Variants in TRIM67 observed in about 807,000 individuals in gnomAD.
The protein encoded by TRIM67 is tripartite motif-containing protein 67.
A neutral mutation model predicts 71.0 loss-of-function variants in TRIM67; 39 were observed. The ratio of observed to expected loss-of-function variants is 0.55; its 90% CI spans 0.43 to 0.72. The LOEUF (loss-of-function observed/expected upper bound fraction) is 0.72, where lower values mean the gene tolerates loss of function less well. Ranked by LOEUF, TRIM67 falls within the 30% of genes least tolerant of loss-of-function variation. TRIM67 has a pLI of 0.00. For missense variants in TRIM67, 973 were observed against 1,079.2 expected (o/e 0.90, Z 1.38); for synonymous variants, 481 against 473.9 (o/e 1.01, Z -0.19).
At chr1:231,187,726 G>A (rs1263645886) in intron 1 of TRIM67, 5 of 653,242 alleles carry the variant, frequency 7.7e-6, no homozygotes, top group South Asian at 4.1e-5. Context: ...GCAGAAGGAA[G>A]CCACGTGGCT....
Position 231,208,998 on chromosome 1 carries a change from C to A in TRIM67, c.1871C>A (p.Ser624Tyr). ...TCTGGGCATCGGGACATCATTTTATCCAATGACAACCAGACAGCCACCTGC... is the reference window on the plus strand; with the variant it reads ...TCTGGGCATCGGGACATCATTTTATACAATGACAACCAGACAGCCACCTGC... ...PNSGHRDIIL[S>Y]NDNQTATCSS... Residue 624 changes from serine to tyrosine, a missense_variant, in exon 8 of 10, where the codon TCC becomes TAC. This residue lies in a region of TRIM67 where 178 missense variants were observed against 247.9 expected (regional missense o/e 0.72). Coordinates refer to ENST00000366653, the MANE Select transcript of TRIM67 (RefSeq NM_001004342.5). 6.2e-7 allele frequency: 1 copy of A among 1,610,416 alleles called. No individual in the cohort carries two copies. The highest frequency in any genetic ancestry group is 1.1e-5 in the South Asian group (1 of 90,804).
chr1:231,172,576 G>A (rs1406064457), intron 1 of TRIM67, among the ~76,000 whole-genome samples: 1 of 152,142 alleles, frequency 6.6e-6, no homozygotes, highest in African/African-American at 2.4e-5. Flanking sequence ...TGTGGATGAG[G>A]CCTCAGTGAC....
intron 1 of TRIM67, among the ~76,000 whole-genome samples, chr1:231,191,196 T>G (rs906440334): frequency 6.6e-6 from 1 of 152,230 alleles, no homozygotes; most frequent in Non-Finnish European, 1.5e-5. Context: ...CCTGAGTAGC[T>G]GGGACTACAG....
intron 1 of TRIM67, among the ~76,000 whole-genome samples, chr1:231,190,245 C>T (rs904230367): frequency 1.3e-5 from 2 of 152,112 alleles, no homozygotes; most frequent in African/African-American, 4.8e-5. Flanking sequence ...TTGACAGAGT[C>T]GTGGCAGCAG....
Position 231,217,414 on chromosome 1 carries a change from G to GC in TRIM67, c.*1977dup. 7.1e-6 allele frequency: 7 copies of GC among 988,120 alleles called. No individual in the cohort carries two copies. The highest frequency in any genetic ancestry group is 8.4e-6 in the Non-Finnish European group (7 of 831,828). 61.2% of individuals were successfully genotyped at this position (988,120 alleles called of 1,614,324 possible). On this transcript the variant is annotated 3_prime_UTR_variant, in exon 10 of 10. Coordinates refer to ENST00000366653, the MANE Select transcript of TRIM67 (RefSeq NM_001004342.5). The stretch of plus-strand genomic sequence containing the variant: ...ACAAGACCTGGGACCCTGTGTCCTT[G>GC]CCCGCACCTCTGCCTCTGTCTCCCA...
At chr1:231,188,514 G>A (rs1304991133) in intron 1 of TRIM67, among the ~76,000 whole-genome samples, 4 of 152,148 alleles carry the variant, frequency 2.6e-5, no homozygotes, top group African/African-American at 4.8e-5. Context: ...TGCCTCCGAG[G>A]GATTTTAATG....
intron 1 of TRIM67, among the ~76,000 whole-genome samples, chr1:231,177,943 T>C (rs565095162): frequency 6.6e-6 from 1 of 152,340 alleles, no homozygotes; most frequent in South Asian, 2.1e-4. Context: ...TGCCATAAAG[T>C]ATGATTTCAG....
At chr1:231,179,520 AGTGGTC>A (rs917305163) in intron 1 of TRIM67, among the ~76,000 whole-genome samples, 15 of 152,216 alleles carry the variant, frequency 9.9e-5, no homozygotes, top group African/African-American at 2.4e-4. Flanking sequence ...TTAATGTCAC[AGTGGTC>A]GTTAACCCAT....
At chr1:231,210,428 G>C (rs1683835123) in intron 8 of TRIM67, among the ~76,000 whole-genome samples, 1 of 151,676 alleles carries the variant, frequency 6.6e-6, no homozygotes, top group Non-Finnish European at 1.5e-5. Flanking sequence ...CCATCTGCTT[G>C]CCTCTTTGCT....
intron 3 of TRIM67, among the ~76,000 whole-genome samples, 195 bp downstream of exon 3, chr1:231,199,364 A>G (rs775146002): frequency 7.9e-5 from 12 of 152,140 alleles, no homozygotes; most frequent in Non-Finnish European, 1.8e-4. Flanking sequence ...ACCAATCAAT[A>G]TGCCCTGTGT....
rs1277116806 is a variant in TRIM67 at position 231,218,195 on chromosome 1, G to T, written c.*2755G>T. 10 of 1,020,542 alleles carry T rather than the reference G, an allele frequency of 9.8e-6. No individual in the cohort carries two copies. The highest frequency in any genetic ancestry group is 1.2e-5 in the Non-Finnish European group (10 of 850,440). The allele number at this position is 1,020,542 out of a possible 1,614,324, so 63.2% of individuals were successfully genotyped here. A position where few individuals can be genotyped will look rare whatever the true frequency, so the allele number is the denominator to read the frequency against. On this transcript the variant is annotated 3_prime_UTR_variant, in exon 10 of 10. Transcript: ENST00000366653. ...CAGGAAGGTCCCGGGTTTCAGAGTA[G>T]AAATGACAGACAGGTCATGGAATTC...
intron 1 of TRIM67, among the ~76,000 whole-genome samples, chr1:231,182,529 G>C (rs1413171914): frequency 1.3e-5 from 2 of 152,198 alleles, no homozygotes; most frequent in Non-Finnish European, 2.9e-5. Context: ...GCACAATCCA[G>C]CATAAGGAAG....
chr1:231,216,104 T>C lies in TRIM67; in HGVS notation c.*664T>C. The C allele has an allele frequency of 1.0e-6, 1 of 984,544 alleles. No homozygotes were observed. The highest frequency in any genetic ancestry group is 1.2e-6 in the Non-Finnish European group (1 of 829,356). 61.0% of individuals were successfully genotyped at this position (984,544 alleles called of 1,614,324 possible). On this transcript the variant is annotated 3_prime_UTR_variant, in exon 10 of 10. Coordinates refer to ENST00000366653, the MANE Select transcript of TRIM67 (RefSeq NM_001004342.5). ...TTCCTTTATTAATCAGCCAATTGTG[T>C]TCTCTCTCTCTCTTCCTCCATCCTT...
intron 1 of TRIM67, among the ~76,000 whole-genome samples, chr1:231,173,892 G>A (rs944963489): frequency 6.6e-6 from 1 of 152,138 alleles, no homozygotes; most frequent in Non-Finnish European, 1.5e-5. Flanking sequence ...TTAGGAGAGA[G>A]GCAGCAGAAA....
In TRIM67 at chr1:231,217,556, C is replaced by G. The variant is rs1016166862; in HGVS notation, c.*2116C>G. ...CACCACTTTCCTGGGGCCAAGGAAG[C>G]CATCAGCTTTGGGAAGTGTCTAGCT... On this transcript the variant is annotated 3_prime_UTR_variant, in exon 10 of 10. Coordinates refer to ENST00000366653, the MANE Select transcript of TRIM67 (RefSeq NM_001004342.5). 51 of 1,003,826 alleles carry G rather than the reference C, an allele frequency of 5.1e-5. No individual in the cohort carries two copies. Among genetic ancestry groups the G allele is most frequent in the Non-Finnish European group, 5.8e-5 (49 of 840,696 alleles). 62.2% of individuals were successfully genotyped at this position (1,003,826 alleles called of 1,614,324 possible).
intron 1 of TRIM67, among the ~76,000 whole-genome samples, chr1:231,191,793 G>T (rs1323793862): frequency 6.6e-6 from 1 of 152,230 alleles, no homozygotes; most frequent in Non-Finnish European, 1.5e-5. Flanking sequence ...ATTATGCCCA[G>T]TGTGGGAGAG....
chr1:231,163,364 C>G lies in TRIM67; in HGVS notation c.395C>G (p.Pro132Arg), dbSNP rs1682349027. Residue 132 changes from proline (P) to arginine (R), a missense_variant, in exon 1 of 10, where the codon CCC becomes CGC. Pro to Arg is a moderately radical substitution (Grantham distance 103, BLOSUM62 -2). Around this residue, in one of 2 missense-constraint regions of TRIM67, gnomAD observed 795 missense variants for 831.3 expected, o/e 0.96. Transcript: ENST00000366653. ...PNGVRVLPMV[P>R]APPGSSAAAA... is the part of the protein sequence containing the mutation. ...GGGGTTCGCGTGCTGCCCATGGTGC[C>G]CGCACCACCCGGCTCCTCGGCTGCG... 6.5e-7 allele frequency: 1 copy of G among 1,533,974 alleles called. No homozygotes were observed.
intron 1 of TRIM67, among the ~76,000 whole-genome samples, chr1:231,192,409 G>A (rs773249740): frequency 6.6e-6 from 1 of 152,026 alleles, no homozygotes; most frequent in Non-Finnish European, 1.5e-5. Flanking sequence ...CAAACTCCTG[G>A]GTTCAAGCAA....
chr1:231,181,971 A>G (rs1214844052), intron 1 of TRIM67, among the ~76,000 whole-genome samples: 5 of 152,250 alleles, frequency 3.3e-5, no homozygotes, highest in Non-Finnish European at 7.3e-5. Flanking sequence ...TGGGATATTT[A>G]GCATACTTCC....
Sources: allele counts gnomAD v4.1 joint callset (sites outside exome capture counted in the v4.1 genomes callset), GRCh38; gene constraint gnomAD v4.1.1; regional missense constraint gnomAD v4.1.1; transcripts MANE v1.5; gene names NCBI Gene and HGNC (gene_info 2026-07-23, HGNC 2026-07-21).